Variants in PEBP4 observed in about 807,000 individuals in gnomAD.
PEBP4 encodes phosphatidylethanolamine-binding protein 4.
PEBP4 carries 22 observed loss-of-function variants against 23.9 expected under a neutral mutation model. That is an observed-to-expected ratio of 0.92 (90% CI 0.66 to 1.31). The LOEUF (loss-of-function observed/expected upper bound fraction) is 1.31. Among genes scored for constraint, PEBP4 ranks in the 40% most tolerant of loss-of-function variants. The probability of loss-of-function intolerance (pLI) is 0.00; values close to 1 mark genes in which losing one functional copy is unlikely to be tolerated. For synonymous variants in PEBP4, 112 were observed against 99.3 expected (o/e 1.13, Z -0.76); for missense variants, 324 against 281.7 (o/e 1.15, Z -1.07).
chr8:22,901,174 C>T (rs1052207642), intron 3 of PEBP4, among the ~76,000 whole-genome samples: 2 of 152,100 alleles, frequency 1.3e-5, no homozygotes, highest in Non-Finnish European at 2.9e-5. Context: ...GGCCTGGCTC[C>T]AGAGAAAGAA....
chr8:22,900,270 C>T (rs1348630169), intron 3 of PEBP4, among the ~76,000 whole-genome samples: 5 of 152,034 alleles, frequency 3.3e-5, no homozygotes, highest in African/African-American at 7.3e-5. Flanking sequence ...TTAGTGAGCA[C>T]CTACTACGGA....
At chr8:22,823,173 C>G (rs996723764) in intron 3 of PEBP4, among the ~76,000 whole-genome samples, 2 of 151,726 alleles carry the variant, frequency 1.3e-5, no homozygotes, top group African/African-American at 4.8e-5. Flanking sequence ...TGTATATTTA[C>G]TACATGATAG....
At chr8:22,854,353 CT>C (rs1285028966) in intron 3 of PEBP4, among the ~76,000 whole-genome samples, 2 of 152,134 alleles carry the variant, frequency 1.3e-5, no homozygotes, top group Non-Finnish European at 2.9e-5. Flanking sequence ...TACATATCTG[CT>C]TCTGGGACAC....
At chr8:22,740,243 T>G (rs1804961094) in intron 4 of PEBP4, among the ~76,000 whole-genome samples, 1 of 152,170 alleles carries the variant, frequency 6.6e-6, no homozygotes. Context: ...CTGGCGAGAT[T>G]TGGAAGCTCT....
At chr8:22,897,230 A>G (rs1332999254) in intron 3 of PEBP4, among the ~76,000 whole-genome samples, 3 of 152,146 alleles carry the variant, frequency 2.0e-5, no homozygotes, top group African/African-American at 7.2e-5. Flanking sequence ...AAGACTGTTC[A>G]GACTCCTATC....
At chr8:22,817,793 C>G in intron 3 of PEBP4, 58 bp from the exon 4 acceptor site, 1 of 1,476,200 alleles carries the variant, frequency 6.8e-7, no homozygotes, top group South Asian at 1.1e-5. Flanking sequence ...GAAAATACCA[C>G]GGGGCAGACC....
At chr8:22,934,930 G>C (rs1027349807) in intron 1 of PEBP4, among the ~76,000 whole-genome samples, 1 of 152,258 alleles carries the variant, frequency 6.6e-6, no homozygotes, top group South Asian at 2.1e-4. Flanking sequence ...GATTTAAAAA[G>C]ATGTACACAG....
intron 3 of PEBP4, among the ~76,000 whole-genome samples, chr8:22,911,556 C>T (rs138242575): frequency 2.6e-5 from 4 of 152,328 alleles, no homozygotes; most frequent in African/African-American, 4.8e-5. Flanking sequence ...ATCTGCCAAA[C>T]CTTTCTCAAA....
At chr8:22,796,726 G>A (rs1161775309) in intron 4 of PEBP4, among the ~76,000 whole-genome samples, 1 of 152,188 alleles carries the variant, frequency 6.6e-6, no homozygotes, top group Non-Finnish European at 1.5e-5. Context: ...TCACTTACAA[G>A]TGAGAGCTAA....
chr8:22,729,916 C>T (rs1471654286), intron 4 of PEBP4, among the ~76,000 whole-genome samples: 1 of 152,202 alleles, frequency 6.6e-6, no homozygotes, highest in Non-Finnish European at 1.5e-5. Flanking sequence ...GCTACAATTT[C>T]TACCATAGAA....
intron 3 of PEBP4, among the ~76,000 whole-genome samples, chr8:22,876,643 T>C (rs1002159437): frequency 5.3e-5 from 8 of 152,250 alleles, no homozygotes; most frequent in African/African-American, 1.9e-4. Context: ...GCTTCATCGA[T>C]GACAGTGTAT....
At chr8:22,923,333 G>A (rs1200620990) in intron 2 of PEBP4, among the ~76,000 whole-genome samples, 1 of 152,106 alleles carries the variant, frequency 6.6e-6, no homozygotes, top group Non-Finnish European at 1.5e-5. Context: ...TTGGGAGGCT[G>A]AGGTGAGATG....
At chr8:22,888,817 T>G (rs1361783923) in intron 3 of PEBP4, among the ~76,000 whole-genome samples, 1 of 152,216 alleles carries the variant, frequency 6.6e-6, no homozygotes, top group Non-Finnish European at 1.5e-5. Context: ...AGGCCTTCTC[T>G]TCTTCCATGT....
In PEBP4 at chr8:22,920,253, A is replaced by G. The variant is rs756675851; in HGVS notation, c.189T>C (p.Asp63=). 7 of 1,613,678 alleles carry G rather than the reference A, an allele frequency of 4.3e-6. No individual in the cohort carries two copies. Among genetic ancestry groups the G allele is most frequent in the Admixed American group, 3.3e-5 (2 of 60,000 alleles). ...TGATCTTCTGTCTGTAGTTGTTACA[A>G]TCAGGAACAACCTTGCAGCCAATGT... ...LGNIGCKVVP[D]CNNYRQKITS... is the part of the protein sequence containing the mutation. The change falls in exon 3 of 7, where the codon GAT becomes GAC. Residue 63 remains aspartate (D), a synonymous_variant. Coordinates refer to ENST00000256404, the MANE Select transcript of PEBP4 (RefSeq NM_144962.3).
In PEBP4 at chr8:22,716,507, C is replaced by T. The variant is rs182009519; in HGVS notation, c.518-2971G>A. ...GTCTTCAGCAGCTGGGGAAGGGGCT[C>T]CTCCTCGGAGCTTTAGTCCCAGGGA... On this transcript the variant is annotated intron_variant, in intron 6 of 6. Transcript: ENST00000256404. Among the ~76,000 whole-genome samples the T allele has an allele frequency of 2.0e-5, 3 of 152,318 alleles. No homozygotes were observed. In the East Asian group the frequency reaches 5.8e-4, roughly 29 times the overall value.
At chr8:22,778,806 C>T (rs1391427727) in intron 4 of PEBP4, among the ~76,000 whole-genome samples, 1 of 152,180 alleles carries the variant, frequency 6.6e-6, no homozygotes, top group Non-Finnish European at 1.5e-5. Context: ...TCTCTCCTTG[C>T]TCTGCTGAGG....
At chr8:22,776,709 G>A (rs932772661) in intron 4 of PEBP4, among the ~76,000 whole-genome samples, 4 of 150,916 alleles carry the variant, frequency 2.7e-5, no homozygotes, top group Non-Finnish European at 4.4e-5. Context: ...ATAATCACTC[G>A]TTGACTTAAG....
At chr8:22,925,395 G>T in intron 2 of PEBP4, 1 of 899,498 alleles carries the variant, frequency 1.1e-6, no homozygotes, top group Non-Finnish European at 1.3e-6. Context: ...GTCAGACAAG[G>T]GGGCTAGATC....
intron 4 of PEBP4, among the ~76,000 whole-genome samples, chr8:22,771,119 G>A (rs1045373300): frequency 6.6e-6 from 1 of 152,216 alleles, no homozygotes; most frequent in Middle Eastern, 3.2e-3. Flanking sequence ...CCACAGGACT[G>A]AACACCTACC....
Sources: allele counts gnomAD v4.1 joint callset (sites outside exome capture counted in the v4.1 genomes callset), GRCh38; gene constraint gnomAD v4.1.1; transcripts MANE v1.5; gene names NCBI Gene and HGNC (gene_info 2026-07-23, HGNC 2026-07-21).